Variants in CAB39L observed in about 807,000 individuals in gnomAD.
CAB39L encodes the protein calcium-binding protein 39-like.
CAB39L carries 23 observed loss-of-function variants against 39.1 expected under a neutral mutation model. The ratio of observed to expected loss-of-function variants is 0.59; its 90% CI spans 0.42 to 0.83. The LOEUF is 0.83. Ranked by LOEUF, CAB39L falls within the 40% of genes least tolerant of loss-of-function variation. The pLI, the probability that CAB39L is intolerant of heterozygous loss-of-function variation, is 0.00. For missense variants in CAB39L, 366 were observed against 391.9 expected (o/e 0.93, Z 0.56); for synonymous variants, 126 against 137.2 (o/e 0.92, Z 0.57).
At chr13:49,391,942 T>G (rs1329801288) in intron 3 of CAB39L, among the ~76,000 whole-genome samples, 1 of 138,042 alleles carries the variant, frequency 7.2e-6, no homozygotes, top group Non-Finnish European at 1.6e-5. Flanking sequence ...ACTCTCAAAT[T>G]GGGTTCACAC....
chr13:49,411,410 GA>G (rs760826107), intron 3 of CAB39L, among the ~76,000 whole-genome samples: 127 of 102,432 alleles, frequency 1.2e-3, no homozygotes, highest in South Asian at 2.8e-3. Context: ...ACTCTCCTGA[GA>G]AAAAAAAAAA....
At chr13:49,365,847 C>T (rs145306738) in intron 5 of CAB39L, among the ~76,000 whole-genome samples, 105 of 152,304 alleles carry the variant, frequency 6.9e-4, no homozygotes, top group African/African-American at 2.2e-3. Flanking sequence ...TCTACACTCC[C>T]ATATATGTTG....
At chr13:49,354,423 C>T (rs1955434314) in intron 6 of CAB39L, among the ~76,000 whole-genome samples, 1 of 152,184 alleles carries the variant, frequency 6.6e-6, no homozygotes, top group Admixed American at 6.5e-5. Flanking sequence ...TTATTGCTTA[C>T]TATTTAAAGA....
intron 1 of CAB39L, among the ~76,000 whole-genome samples, chr13:49,439,387 T>G (rs535387583): frequency 6.6e-6 from 1 of 152,366 alleles, no homozygotes; most frequent in South Asian, 2.1e-4. Context: ...GTATGACAGA[T>G]CCTGTCATCC....
intron 6 of CAB39L, among the ~76,000 whole-genome samples, chr13:49,357,216 A>T (rs925987980): frequency 6.6e-6 from 1 of 152,150 alleles, no homozygotes; most frequent in Non-Finnish European, 1.5e-5. Flanking sequence ...TTAGTGTCAG[A>T]TCTGCATGGA....
At chr13:49,322,894 C>T (rs1035609582) in intron 10 of CAB39L, among the ~76,000 whole-genome samples, 5 of 152,184 alleles carry the variant, frequency 3.3e-5, no homozygotes, top group Admixed American at 6.5e-5. Context: ...AGTCACTCTC[C>T]GCAGCCTATT....
chr13:49,397,756 A>C (rs1566116832), intron 3 of CAB39L, among the ~76,000 whole-genome samples: 1 of 152,098 alleles, frequency 6.6e-6, no homozygotes, highest in South Asian at 2.1e-4. Context: ...AGAATTTTAC[A>C]ATCTCAACTT....
At chr13:49,329,448 G>A (rs993389094) in intron 10 of CAB39L, among the ~76,000 whole-genome samples, 2 of 150,120 alleles carry the variant, frequency 1.3e-5, no homozygotes, top group East Asian at 2.0e-4. Flanking sequence ...CCGAACACAT[G>A]GAGACTCCTG....
intron 1 of CAB39L, among the ~76,000 whole-genome samples, chr13:49,441,365 A>G (rs951132109): frequency 3.3e-5 from 5 of 151,912 alleles, no homozygotes; most frequent in African/African-American, 9.7e-5. Flanking sequence ...ACTGGAGTCC[A>G]GGAGTTTGAG....
chr13:49,433,912 TAAC>T (rs1482551874), intron 2 of CAB39L, among the ~76,000 whole-genome samples, 171 bp downstream of exon 2: 2 of 152,228 alleles, frequency 1.3e-5, no homozygotes, highest in Non-Finnish European at 2.9e-5. Context: ...TTCTTGCTTT[TAAC>T]AACATCATGA....
chr13:49,323,270 G>C (rs1055703274), intron 10 of CAB39L, among the ~76,000 whole-genome samples: 1 of 152,170 alleles, frequency 6.6e-6, no homozygotes, highest in Non-Finnish European at 1.5e-5. Flanking sequence ...CACTGGCTTT[G>C]TGCATCAGGG....
chr13:49,335,223 G>A (rs1186350554), intron 9 of CAB39L, among the ~76,000 whole-genome samples: 3 of 152,022 alleles, frequency 2.0e-5, no homozygotes, highest in African/African-American at 7.3e-5. Context: ...CATGTTAAAA[G>A]GCTTCAGCAA....
chr13:49,370,657 G>A (rs1955894830), intron 5 of CAB39L, among the ~76,000 whole-genome samples: 1 of 152,122 alleles, frequency 6.6e-6, no homozygotes, highest in African/African-American at 2.4e-5. Context: ...GGAGTGGGCA[G>A]ACACAACACT....
chr13:49,433,220 T>C (rs1218550369), intron 3 of CAB39L, 98 bp downstream of exon 3: 2 of 311,164 alleles, frequency 6.4e-6, no homozygotes, highest in Non-Finnish European at 1.3e-5. Context: ...TACAATATTA[T>C]ATTTATTCCT....
intron 3 of CAB39L, among the ~76,000 whole-genome samples, chr13:49,419,443 T>G (rs1957137141): frequency 6.6e-6 from 1 of 152,128 alleles, no homozygotes; most frequent in Non-Finnish European, 1.5e-5. Flanking sequence ...CCACATGTGG[T>G]GGCATATGCC....
At chr13:49,389,306 TG>T (rs1341795821) in intron 3 of CAB39L, among the ~76,000 whole-genome samples, 2 of 152,134 alleles carry the variant, frequency 1.3e-5, no homozygotes, top group African/African-American at 4.8e-5. Context: ...AGCCAAGACA[TG>T]GAACCAACCT....
At chr13:49,334,061 C>A (rs1337076161) in intron 9 of CAB39L, among the ~76,000 whole-genome samples, 1 of 152,156 alleles carries the variant, frequency 6.6e-6, no homozygotes, top group Non-Finnish European at 1.5e-5. Context: ...CACATCAAAT[C>A]TCCATCTAAG....
In CAB39L at chr13:49,396,097, C is replaced by CA. The variant is rs58073071; in HGVS notation, c.-31-13157dup. Reference sequence around the variant, plus strand: ...TGGGCAACACAGTGAGACTCTGTCTCAAAAAAAAAAACTTAAAAAAATAAC... The same window carrying CA: ...TGGGCAACACAGTGAGACTCTGTCTCAAAAAAAAAAAACTTAAAAAAATAAC... On this transcript the variant is annotated intron_variant, in intron 3 of 10. Coordinates refer to ENST00000409308, the MANE Select transcript of CAB39L (RefSeq NM_001079670.3). 2.8e-3 allele frequency among the ~76,000 whole-genome samples: 349 copies of CA among 123,300 alleles called. 6 individuals carry two copies. The highest frequency in any genetic ancestry group is 6.9e-3 in the African/African-American group (213 of 30,724). 80.9% of individuals were successfully genotyped at this position (123,300 alleles called of 152,430 possible).
chr13:49,408,812 C>G (rs1956933773), intron 3 of CAB39L, among the ~76,000 whole-genome samples: 1 of 151,958 alleles, frequency 6.6e-6, no homozygotes, highest in Admixed American at 6.6e-5. Context: ...GCCTGGGCAA[C>G]AGAGTGAGAC....
Sources: gnomAD v4.1 joint callset for allele counts (sites outside exome capture counted in the v4.1 genomes callset) on GRCh38, gnomAD v4.1.1 for gene constraint, MANE v1.5 for transcripts, NCBI Gene and HGNC (gene_info 2026-07-23, HGNC 2026-07-21) for gene names.